The following ARB2A variants were observed in gnomAD, a reference collection of about 807,000 sequenced individuals.
ARB2A encodes the protein cotranscriptional regulator ARB2A.
At chr5:93,753,135 T>G in the ARB2A span, among the ~76,000 whole-genome samples, 1 of 152,184 alleles carries the variant, frequency 6.6e-6, no homozygotes, top group Non-Finnish European at 1.5e-5. Flanking sequence ...AAGTATAGAT[T>G]TTCAATTACC....
chr5:93,957,378 A>G, the ARB2A span, among the ~76,000 whole-genome samples: 1 of 152,132 alleles, frequency 6.6e-6, no homozygotes, highest in African/African-American at 2.4e-5. Flanking sequence ...TTGTGAACAC[A>G]TTTTACATAT....
the ARB2A span, among the ~76,000 whole-genome samples, chr5:93,888,592 G>C: frequency 6.6e-6 from 1 of 151,700 alleles, no homozygotes; most frequent in South Asian, 2.1e-4. Context: ...TGTAAATATA[G>C]TAGTTCTAAA....
the ARB2A span, chr5:93,741,603 T>G: frequency 6.8e-7 from 1 of 1,464,920 alleles, no homozygotes; most frequent in Admixed American, 2.6e-5. Flanking sequence ...TAGGAACTGA[T>G]GGCCCTCGAG....
the ARB2A span, among the ~76,000 whole-genome samples, chr5:93,660,689 G>T: frequency 1.3e-5 from 2 of 152,082 alleles, no homozygotes; most frequent in Admixed American, 1.3e-4. Flanking sequence ...CATAGAGAAA[G>T]AGGTATGAAA....
At chr5:93,653,510 T>TCAAAAAAAA in the ARB2A span, among the ~76,000 whole-genome samples, 1 of 12,608 alleles carries the variant, frequency 7.9e-5, no homozygotes, top group Non-Finnish European at 1.8e-4. Context: ...AGACTCCGTC[T>TCAAAAAAAA]CAAAAAAAAA....
chr5:93,919,124 TCTGGGGAAGCAG>T, the ARB2A span, among the ~76,000 whole-genome samples: 86 of 152,262 alleles, frequency 5.6e-4, no homozygotes, highest in Non-Finnish European at 9.0e-4. Context: ...GAAAACAAAG[TCTGGGGAAGCAG>T]CAATGTTTTA....
the ARB2A span, among the ~76,000 whole-genome samples, chr5:94,019,911 T>G: frequency 6.6e-5 from 10 of 152,216 alleles, no homozygotes; most frequent in Admixed American, 6.5e-4. Flanking sequence ...GGCACCAGTG[T>G]AATGTTGGAT....
the ARB2A span, among the ~76,000 whole-genome samples, chr5:93,976,973 A>T: frequency 1.3e-5 from 2 of 152,102 alleles, no homozygotes; most frequent in Non-Finnish European, 2.9e-5. Context: ...TCAAGCTGAG[A>T]ACCAAATTAA....
chr5:93,808,918 A>G, the ARB2A span, among the ~76,000 whole-genome samples: 1 of 152,050 alleles, frequency 6.6e-6, no homozygotes, highest in African/African-American at 2.4e-5. Context: ...TTATGCCAGC[A>G]ACTATAATAT....
chr5:93,779,406 C>T, the ARB2A span, among the ~76,000 whole-genome samples: 1 of 151,860 alleles, frequency 6.6e-6, no homozygotes, highest in Non-Finnish European at 1.5e-5. Flanking sequence ...TTCAAGGCCC[C>T]CGTTTGTCCC....
At chr5:93,903,465 T>C in the ARB2A span, among the ~76,000 whole-genome samples, 2 of 152,048 alleles carry the variant, frequency 1.3e-5, no homozygotes. Context: ...ACAAAACTCA[T>C]GCAGGACAGA....
At chr5:93,792,618 G>T in the ARB2A span, among the ~76,000 whole-genome samples, 2 of 146,868 alleles carry the variant, frequency 1.4e-5, no homozygotes. Context: ...AACCAAACAC[G>T]CATGTTCTCA....
chr5:93,711,887 C>T, the ARB2A span, among the ~76,000 whole-genome samples: 3 of 152,354 alleles, frequency 2.0e-5, no homozygotes, highest in East Asian at 1.9e-4. Flanking sequence ...ACAAAAGCCC[C>T]GGCCCTGCTA....
chr5:93,737,670 C>T, the ARB2A span: 1 of 221,336 alleles, frequency 4.5e-6, no homozygotes, highest in Non-Finnish European at 9.1e-6. Flanking sequence ...GTTGAGAGCC[C>T]AGAAATAATC....
At chr5:93,747,389 C>T in the ARB2A span, among the ~76,000 whole-genome samples, 1 of 152,082 alleles carries the variant, frequency 6.6e-6, no homozygotes, top group Admixed American at 6.5e-5. Context: ...AACAGAGTCA[C>T]ACTGATGTTT....
chr5:93,866,135 C>G, the ARB2A span: 1 of 985,336 alleles, frequency 1.0e-6, no homozygotes. Flanking sequence ...GAGGATAATA[C>G]AAGCAATCTT....
At chr5:93,881,978 C>T in the ARB2A span, among the ~76,000 whole-genome samples, 1 of 150,972 alleles carries the variant, frequency 6.6e-6, no homozygotes, top group East Asian at 1.9e-4. Context: ...TATCTCAGAA[C>T]CCAAAAATGA....
chr5:93,994,179 A>G, the ARB2A span, among the ~76,000 whole-genome samples: 1 of 152,234 alleles, frequency 6.6e-6, no homozygotes, highest in Admixed American at 6.5e-5. Flanking sequence ...TATCCAAAAG[A>G]ACTGAAACCA....
At chr5:93,763,799 TA>T in the ARB2A span, among the ~76,000 whole-genome samples, 3 of 152,180 alleles carry the variant, frequency 2.0e-5, no homozygotes, top group Non-Finnish European at 4.4e-5. Flanking sequence ...CAGTTGGAAG[TA>T]AAGCTCTCAT....
Sources: allele counts gnomAD v4.1 joint callset (sites outside exome capture counted in the v4.1 genomes callset), GRCh38; gene constraint gnomAD v4.1.1; transcripts MANE v1.5; gene names NCBI Gene and HGNC (gene_info 2026-07-23, HGNC 2026-07-21).